TMEM117: variants seen among roughly 807,000 people sequenced by gnomAD.
The protein encoded by TMEM117 is transmembrane protein 117.
In TMEM117, 27 loss-of-function variants were observed where a neutral mutation model predicts 52.4. That is an observed-to-expected ratio of 0.51 (90% CI 0.38 to 0.71). The LOEUF is 0.71. Among genes scored for constraint, TMEM117 ranks in the 30% least tolerant of loss-of-function variants. TMEM117 has a pLI of 0.00. For synonymous variants in TMEM117, 215 were observed against 206.3 expected (o/e 1.04, Z -0.36); for missense variants, 556 against 630.5 (o/e 0.88, Z 1.26).
At chr12:44,048,151 A>T (rs552137625) in intron 3 of TMEM117, among the ~76,000 whole-genome samples, 2 of 152,224 alleles carry the variant, frequency 1.3e-5, no homozygotes, top group South Asian at 4.1e-4. Flanking sequence ...CAAATTCCTT[A>T]TCACACGTTA....
At chr12:44,122,570 C>T (rs1005747025) in intron 3 of TMEM117, among the ~76,000 whole-genome samples, 10 of 152,160 alleles carry the variant, frequency 6.6e-5, no homozygotes, top group Non-Finnish European at 1.5e-4. Context: ...TCCCACCTCC[C>T]ACCCTCTGAG....
rs531422686 is a variant in TMEM117, at chr12:43,880,288, A to G, written c.277+35360A>G. Among the ~76,000 whole-genome samples, 19 of 152,188 alleles carry G rather than the reference A, an allele frequency of 1.2e-4. No homozygotes were observed. The East Asian group carries it at 3.3e-3, about 26-fold the overall frequency. On this transcript the variant is annotated intron_variant, in intron 2 of 7. Transcript: ENST00000266534. ...TGCTTTTTTATTACTTTTCATAACT[A>G]CTTGCACTATATACTGTTATTTGAA...
intron 2 of TMEM117, among the ~76,000 whole-genome samples, chr12:43,861,536 A>C (rs1943489435): frequency 6.6e-6 from 1 of 152,262 alleles, no homozygotes; most frequent in Admixed American, 6.5e-5. Flanking sequence ...AGGACAGAGA[A>C]TTTGCTTAAC....
At chr12:44,136,199 G>A (rs1388241338) in intron 3 of TMEM117, among the ~76,000 whole-genome samples, 3 of 151,994 alleles carry the variant, frequency 2.0e-5, no homozygotes, top group Non-Finnish European at 2.9e-5. Flanking sequence ...GATTTATTGG[G>A]GTTCTCTTAG....
chr12:44,106,596 T>C (rs184933124), intron 3 of TMEM117, among the ~76,000 whole-genome samples: 1 of 152,114 alleles, frequency 6.6e-6, no homozygotes, highest in African/African-American at 2.4e-5. Context: ...AACAATAATA[T>C]ATTGTATACA....
chr12:44,215,460 G>A (rs546470733), intron 5 of TMEM117, among the ~76,000 whole-genome samples: 4 of 151,260 alleles, frequency 2.6e-5, no homozygotes, highest in South Asian at 2.1e-4. Flanking sequence ...AGCCCTTTCC[G>A]TAGTCCTTTT....
chr12:44,307,828 C>T (rs1346785496), intron 6 of TMEM117, among the ~76,000 whole-genome samples: 1 of 152,068 alleles, frequency 6.6e-6, no homozygotes, highest in African/African-American at 2.4e-5. Context: ...AACAGGTGGC[C>T]CATGGTATCA....
chr12:44,042,761 T>TACACACACACAC (rs61350418), intron 3 of TMEM117, among the ~76,000 whole-genome samples: 133 of 132,148 alleles, frequency 1.0e-3, no homozygotes, highest in Middle Eastern at 4.0e-3. Flanking sequence ...CTTAATAAAC[T>TACACACACACAC]ACACACACAC....
intron 6 of TMEM117, chr12:44,376,349 T>C (rs531270635): frequency 9.4e-6 from 5 of 530,398 alleles, no homozygotes; most frequent in South Asian, 2.0e-5. Context: ...CAATTCTGTA[T>C]TGGTTTCTTA....
At chr12:43,859,307 A>T (rs1254782555) in intron 2 of TMEM117, among the ~76,000 whole-genome samples, 2 of 152,134 alleles carry the variant, frequency 1.3e-5, no homozygotes, top group Non-Finnish European at 2.9e-5. Context: ...TGCAGTGTAG[A>T]GTGTGAACAG....
At chr12:44,366,856 T>C (rs1454525314) in intron 6 of TMEM117, among the ~76,000 whole-genome samples, 1 of 152,112 alleles carries the variant, frequency 6.6e-6, no homozygotes, top group African/African-American at 2.4e-5. Flanking sequence ...TTTTGTTTTG[T>C]TTTTTAGAAG....
At chr12:44,322,160 C>T (rs978644031) in intron 6 of TMEM117, among the ~76,000 whole-genome samples, 55 of 152,272 alleles carry the variant, frequency 3.6e-4, no homozygotes, top group African/African-American at 1.1e-3. Context: ...ATCTAACGGC[C>T]AACCAGCTCT....
At chr12:44,233,049 A>G (rs1949952261) in intron 5 of TMEM117, among the ~76,000 whole-genome samples, 1 of 151,302 alleles carries the variant, frequency 6.6e-6, no homozygotes, top group East Asian at 1.9e-4. Context: ...TGATCTTATT[A>G]ATATCATATC....
intron 5 of TMEM117, among the ~76,000 whole-genome samples, chr12:44,276,229 A>G (rs1185460612): frequency 1.3e-5 from 2 of 152,174 alleles, no homozygotes; most frequent in African/African-American, 4.8e-5. Context: ...ACTAGCCAAG[A>G]TATGGAATCA....
At chr12:44,281,554 C>G (rs554534085) in intron 5 of TMEM117, among the ~76,000 whole-genome samples, 1 of 152,108 alleles carries the variant, frequency 6.6e-6, no homozygotes, top group Non-Finnish European at 1.5e-5. Flanking sequence ...TAAATTCATC[C>G]TATTTAGAAA....
At chr12:43,949,765 A>G (rs1337647251) in intron 3 of TMEM117, among the ~76,000 whole-genome samples, 3 of 152,166 alleles carry the variant, frequency 2.0e-5, no homozygotes, top group African/African-American at 7.2e-5. Flanking sequence ...ACCTACTCCA[A>G]CAAAACCACT....
intron 2 of TMEM117, among the ~76,000 whole-genome samples, chr12:43,889,335 G>C (rs1011792306): frequency 2.0e-5 from 3 of 152,116 alleles, no homozygotes; most frequent in African/African-American, 4.8e-5. Flanking sequence ...CACCTGCTTT[G>C]GCCTCCCAAA....
chr12:43,955,450 G>C (rs1945291830), intron 3 of TMEM117, among the ~76,000 whole-genome samples: 1 of 152,130 alleles, frequency 6.6e-6, no homozygotes, highest in South Asian at 2.1e-4. Flanking sequence ...GAAGTATCAG[G>C]ATACAAAGTT....
At chr12:43,804,414 T>A in the TMEM117 span, 1 of 879,018 alleles carries the variant, frequency 1.1e-6, no homozygotes, top group African/African-American at 1.7e-5. Context: ...ATAGTTCAAA[T>A]CACTGACAAC....
Sources: gnomAD v4.1 joint callset for allele counts (sites outside exome capture counted in the v4.1 genomes callset) on GRCh38, gnomAD v4.1.1 for gene constraint, MANE v1.5 for transcripts, NCBI Gene and HGNC (gene_info 2026-07-23, HGNC 2026-07-21) for gene names.